The following ZP3 variants were observed in gnomAD, a reference collection of about 807,000 sequenced individuals.
The protein encoded by ZP3 is zona pellucida sperm-binding protein 3.
In ZP3, 21 loss-of-function variants were observed where a neutral mutation model predicts 35.6. That is an observed-to-expected ratio of 0.59 (90% CI 0.42 to 0.85). ZP3 has a LOEUF of 0.85. Ranked by LOEUF, ZP3 falls within the 40% of genes least tolerant of loss-of-function variation. The pLI is 0.00. For missense variants in ZP3, 437 were observed against 536.5 expected (o/e 0.81, Z 1.83); for synonymous variants, 207 against 214.5 (o/e 0.96, Z 0.31).
chr7:76,416,566 G>A (rs981958802), intron 1 of ZP3, among the ~76,000 whole-genome samples: 39 of 151,924 alleles, frequency 2.6e-4, no homozygotes, highest in African/African-American at 8.9e-4. Flanking sequence ...TAGCACTTTG[G>A]GAGGCTGAGG....
chr7:76,404,729 G>A (rs1470240022), intron 1 of ZP3, among the ~76,000 whole-genome samples: 6 of 152,054 alleles, frequency 3.9e-5, no homozygotes, highest in South Asian at 2.1e-4. Flanking sequence ...CCAGGAGATC[G>A]AGATATAGCC....
rs148807124 is a variant in ZP3 at position 76,401,541 on chromosome 7, C to T, written c.-67+3744C>T. Reference sequence around the variant, plus strand: ...AAGCGATTCTTCTGCCTCAGCCTCCCGAGTAGCTGGGATTACAGGTGCACA... The same window carrying T: ...AAGCGATTCTTCTGCCTCAGCCTCCTGAGTAGCTGGGATTACAGGTGCACA... On this transcript the variant is annotated intron_variant, in intron 1 of 8. Coordinates refer to the ZP3 transcript ENST00000336517. 8.8e-3 allele frequency among the ~76,000 whole-genome samples: 1,337 copies of T among 152,158 alleles called. 22 individuals carry two copies. Among genetic ancestry groups the T allele is most frequent in the African/African-American group, 0.03 (1,263 of 41,530 alleles).
At chr7:76,411,296 G>T (rs985506262) in intron 1 of ZP3, among the ~76,000 whole-genome samples, 1 of 152,186 alleles carries the variant, frequency 6.6e-6, no homozygotes, top group Admixed American at 6.6e-5. Flanking sequence ...GCCAGGAGTA[G>T]TGGCTCATGC....
chr7:76,413,586 T>C (rs1439039683), intron 1 of ZP3, among the ~76,000 whole-genome samples: 1 of 134,466 alleles, frequency 7.4e-6, no homozygotes, highest in Admixed American at 7.8e-5. Context: ...TGTGAATCTA[T>C]AATGATTTCA....
intron 1 of ZP3, among the ~76,000 whole-genome samples, chr7:76,426,896 AC>A (rs1163176829): frequency 6.5e-4 from 90 of 139,306 alleles, no homozygotes; most frequent in African/African-American, 1.8e-3. Context: ...ACACACACAC[AC>A]ACACACACAC....
chr7:76,425,274 C>T lies in ZP3; in HGVS notation c.310C>T (p.Gln104Ter), dbSNP rs1356052924. 1.9e-6 allele frequency: 3 copies of T among 1,601,626 alleles called. No individual in the cohort carries two copies. The highest frequency in any genetic ancestry group is 1.1e-5 in the South Asian group (1 of 90,764). Residue 104 changes from glutamine to a stop codon, truncating the protein, a stop_gained and splice_region_variant, in exon 1 of 8, where the codon CAG (glutamine) becomes TAG (stop). Transcript: ENST00000394857. LOFTEE classifies it high-confidence loss of function. Reference protein sequence around the residue: ...VGLHECGNSMQVTDDALVYST... With the variant: ...VGLHECGNSM ...ACTCCACGAGTGTGGCAACAGCATG[C>T]AGGTAAGAGAGGCTGGGGGCCCTGG... is the stretch of plus-strand genomic sequence containing the variant.
intron 1 of ZP3, among the ~76,000 whole-genome samples, chr7:76,416,412 G>A (rs1009511683): frequency 7.9e-5 from 12 of 152,118 alleles, no homozygotes; most frequent in African/African-American, 2.9e-4. Flanking sequence ...CTGGGGGACA[G>A]TGAGACCCTG....
At chr7:76,429,921 C>T (rs1312793763) in intron 2 of ZP3, among the ~76,000 whole-genome samples, 1 of 152,120 alleles carries the variant, frequency 6.6e-6, no homozygotes, top group Admixed American at 6.6e-5. Flanking sequence ...CAGAAATGGC[C>T]TTCCAATAGT....
intron 1 of ZP3, among the ~76,000 whole-genome samples, chr7:76,411,375 T>C (rs1367168936): frequency 6.6e-6 from 1 of 152,134 alleles, no homozygotes; most frequent in African/African-American, 2.4e-5. Flanking sequence ...AAGACCAGCC[T>C]GGGCAACATA....
chr7:76,408,226 A>G (rs1228230989), intron 1 of ZP3, among the ~76,000 whole-genome samples: 1 of 152,100 alleles, frequency 6.6e-6, no homozygotes, highest in Non-Finnish European at 1.5e-5. Context: ...CCTGGTGTAC[A>G]AAGTCTGGTT....
At chr7:76,404,354 G>C in intron 1 of ZP3, 1 of 1,613,192 alleles carries the variant, frequency 6.2e-7, no homozygotes, top group Non-Finnish European at 8.5e-7. Context: ...GAGGAAGGGA[G>C]GGGCAGCACT....
At chr7:76,437,162 C>T (rs1250268565) in intron 5 of ZP3, among the ~76,000 whole-genome samples, 4 of 147,448 alleles carry the variant, frequency 2.7e-5, no homozygotes, top group South Asian at 2.1e-4. Context: ...CAGAGCAAGA[C>T]CCTGTGTACT....
At chr7:76,427,242 C>T (rs1278243583) in intron 1 of ZP3, among the ~76,000 whole-genome samples, 3 of 151,784 alleles carry the variant, frequency 2.0e-5, no homozygotes, top group Admixed American at 1.3e-4. Flanking sequence ...GCTGGCCGTG[C>T]GCAGTGGCTC....
intron 1 of ZP3, chr7:76,398,892 C>T (rs1467548393): frequency 7.7e-7 from 1 of 1,300,696 alleles, no homozygotes; most frequent in African/African-American, 1.5e-5. Flanking sequence ...CCATAAGGTG[C>T]TTGCCGCCAG....
chr7:76,439,818 C>T (rs1434398912), intron 5 of ZP3: 6 of 188,372 alleles, frequency 3.2e-5, no homozygotes, highest in African/African-American at 6.9e-5. Flanking sequence ...GTAAGTGAAC[C>T]TTTACACCAT....
At chr7:76,426,375 G>A (rs1805652096) in intron 1 of ZP3, among the ~76,000 whole-genome samples, 1 of 152,200 alleles carries the variant, frequency 6.6e-6, no homozygotes. Flanking sequence ...CCCATGGAGG[G>A]CCTGTCCTCT....
chr7:76,433,313 C>T (rs1022312663), intron 3 of ZP3, among the ~76,000 whole-genome samples, 157 bp from the exon 4 acceptor site: 1 of 152,126 alleles, frequency 6.6e-6, no homozygotes, highest in African/African-American at 2.4e-5. Flanking sequence ...TGACACCACA[C>T]CCAGCTAACT....
chr7:76,398,919 AAG>A, intron 1 of ZP3: 1 of 953,022 alleles, frequency 1.0e-6, no homozygotes, highest in South Asian at 1.5e-5. Context: ...TGGCCACACA[AAG>A]AGTCACAGCC....
chr7:76,433,152 T>TGGTTGGTTTG, intron 3 of ZP3, 122 bp downstream of exon 3: 2 of 745,720 alleles, frequency 2.7e-6, no homozygotes, highest in South Asian at 1.8e-5. Flanking sequence ...TGGTTGGTTT[T>TGGTTGGTTTG]GGTTGGTTTT....
Sources: gnomAD v4.1 joint callset for allele counts (sites outside exome capture counted in the v4.1 genomes callset) on GRCh38, gnomAD v4.1.1 for gene constraint, MANE v1.5 for transcripts, NCBI Gene and HGNC (gene_info 2026-07-23, HGNC 2026-07-21) for gene names.